Variants in HMBOX1 observed in about 807,000 individuals in gnomAD.
The protein encoded by HMBOX1 is homeobox-containing protein 1.
HMBOX1 carries 14 observed loss-of-function variants against 54.5 expected under a neutral mutation model. That is an observed-to-expected ratio of 0.26 (90% CI 0.17 to 0.40). The LOEUF (loss-of-function observed/expected upper bound fraction) is 0.40, where lower values mean the gene tolerates loss of function less well. Among genes scored for constraint, HMBOX1 ranks in the 10% least tolerant of loss-of-function variants. HMBOX1 has a pLI of 1.00. For synonymous variants in HMBOX1, 160 were observed against 181.0 expected (o/e 0.88, Z 0.93); for missense variants, 332 against 514.4 (o/e 0.65, Z 3.43).
At chr8:28,894,268 A>G (rs10087263) in intron 1 of HMBOX1, among the ~76,000 whole-genome samples, 4,803 of 152,254 alleles carry the variant, frequency 0.032, 238 homozygotes, top group African/African-American at 0.11. Flanking sequence ...TACACCCACA[A>G]TACACTCATA....
At chr8:28,892,048 A>G (rs1811115761) in intron 1 of HMBOX1, among the ~76,000 whole-genome samples, 1 of 151,810 alleles carries the variant, frequency 6.6e-6, no homozygotes, top group Non-Finnish European at 1.5e-5. Flanking sequence ...GCTTCGTACA[A>G]CATTTCTCTT....
chr8:28,928,281 A>G, intron 1 of HMBOX1, among the ~76,000 whole-genome samples: 1 of 152,238 alleles, frequency 6.6e-6, no homozygotes, highest in East Asian at 1.9e-4. Context: ...TGAAGGATGA[A>G]TAGAAGTTAA....
intron 1 of HMBOX1, among the ~76,000 whole-genome samples, chr8:28,956,337 A>G (rs1022936097): frequency 2.0e-5 from 3 of 151,702 alleles, no homozygotes; most frequent in African/African-American, 4.8e-5. Flanking sequence ...TTTCTTCATA[A>G]TAGGAAATTT....
chr8:29,014,083 T>C (rs1181032047), intron 5 of HMBOX1, among the ~76,000 whole-genome samples: 2 of 1,918 alleles, frequency 1.0e-3, no homozygotes, highest in Admixed American at 1.5e-3. Flanking sequence ...GATGTGCTTA[T>C]AGTCCCCTCA....
At chr8:28,992,537 T>G (rs1831129573) in intron 4 of HMBOX1, among the ~76,000 whole-genome samples, 1 of 151,982 alleles carries the variant, frequency 6.6e-6, no homozygotes, top group Non-Finnish European at 1.5e-5. Flanking sequence ...GTTAGAAAAT[T>G]TATTCATGTG....
At chr8:29,010,510 G>GGT (rs1834084514) in intron 5 of HMBOX1, among the ~76,000 whole-genome samples, 1 of 151,642 alleles carries the variant, frequency 6.6e-6, no homozygotes, top group African/African-American at 2.4e-5. Context: ...GAGTGGAGAT[G>GGT]GTGCCACTGC....
At chr8:28,999,280 A>G (rs1215450705) in intron 4 of HMBOX1, among the ~76,000 whole-genome samples, 1 of 152,124 alleles carries the variant, frequency 6.6e-6, no homozygotes, top group East Asian at 1.9e-4. Flanking sequence ...CATTGCTTGT[A>G]TGTAATGGGT....
intron 8 of HMBOX1, among the ~76,000 whole-genome samples, chr8:29,047,856 C>T (rs1171387773): frequency 2.6e-5 from 4 of 152,048 alleles, no homozygotes; most frequent in Admixed American, 1.3e-4. Context: ...TGTGAGCCAC[C>T]GTGCCGGATC....
chr8:28,973,840 A>G (rs1404482970), intron 3 of HMBOX1, among the ~76,000 whole-genome samples: 12 of 71,300 alleles, frequency 1.7e-4, no homozygotes, highest in Non-Finnish European at 1.3e-4. Context: ...TTTTTGAGAC[A>G]GTCTCGCTCT....
chr8:28,992,797 G>A (rs1831183000), intron 4 of HMBOX1, among the ~76,000 whole-genome samples: 1 of 146,530 alleles, frequency 6.8e-6, no homozygotes, highest in Admixed American at 7.0e-5. Flanking sequence ...GTGAACCTGG[G>A]AGGTGGAGGT....
chr8:29,040,902 A>G (rs1463770613), intron 6 of HMBOX1, among the ~76,000 whole-genome samples: 2 of 152,168 alleles, frequency 1.3e-5, no homozygotes, highest in African/African-American at 2.4e-5. Context: ...AAAATTATGT[A>G]TACCATGAAT....
chr8:28,983,708 C>T (rs1473556097), intron 4 of HMBOX1, among the ~76,000 whole-genome samples: 1 of 152,308 alleles, frequency 6.6e-6, no homozygotes, highest in East Asian at 1.9e-4. Flanking sequence ...ACAAGCTATA[C>T]ATGTGAAAAT....
At chr8:28,954,841 C>G (rs1427749638) in intron 1 of HMBOX1, among the ~76,000 whole-genome samples, 1 of 152,168 alleles carries the variant, frequency 6.6e-6, no homozygotes, top group Non-Finnish European at 1.5e-5. Context: ...GACCAGCTTA[C>G]CTTTCATTTT....
At chr8:29,050,940 C>T in intron 9 of HMBOX1, 78 bp from the exon 10 acceptor site, 1 of 1,460,254 alleles carries the variant, frequency 6.8e-7, no homozygotes, top group Admixed American at 2.0e-5. Flanking sequence ...TTCTGCCTCC[C>T]CTTGCCCCAG....
chr8:28,967,533 A>G (rs536261000), intron 2 of HMBOX1, among the ~76,000 whole-genome samples: 2 of 152,338 alleles, frequency 1.3e-5, no homozygotes, highest in East Asian at 3.9e-4. Flanking sequence ...AACTGTATAT[A>G]GATAACTAAC....
In HMBOX1 at chr8:29,051,170, C is replaced by T; in HGVS notation, c.*15C>T. ...ATGATGACTGATCAGGGAGGTTAAA[C>T]ATGACAAGTTAACTTAGTTTAGACG... On this transcript the variant is annotated 3_prime_UTR_variant, in exon 10 of 10. Coordinates refer to ENST00000287701, the MANE Select transcript of HMBOX1 (RefSeq NM_001135726.3). 6.2e-7 allele frequency: 1 copy of T among 1,612,862 alleles called. No individual in the cohort carries two copies. The highest frequency in any genetic ancestry group is 8.5e-7 in the Non-Finnish European group (1 of 1,179,532).
intron 1 of HMBOX1, among the ~76,000 whole-genome samples, chr8:28,910,992 T>G (rs1415039721): frequency 6.6e-6 from 1 of 152,234 alleles, no homozygotes; most frequent in East Asian, 1.9e-4. Context: ...GTTCACTTGC[T>G]TAGTGATGCT....
chr8:28,955,942 G>C (rs1035120548), intron 1 of HMBOX1: 26 of 122,872 alleles, frequency 2.1e-4, no homozygotes, highest in African/African-American at 8.3e-4. Context: ...GACAGAGTGA[G>C]ACTCTGTCTA....
intron 1 of HMBOX1, among the ~76,000 whole-genome samples, chr8:28,900,785 C>T (rs1444132765): frequency 1.3e-5 from 2 of 151,964 alleles, no homozygotes; most frequent in African/African-American, 2.4e-5. Context: ...ATCTGGTAAG[C>T]GAGTTTTTTT....
Sources: allele counts gnomAD v4.1 joint callset (sites outside exome capture counted in the v4.1 genomes callset), GRCh38; gene constraint gnomAD v4.1.1; transcripts MANE v1.5; gene names NCBI Gene and HGNC (gene_info 2026-07-23, HGNC 2026-07-21).